The following FBXO42 variants were observed in gnomAD, a reference collection of about 807,000 sequenced individuals.
The protein encoded by FBXO42 is F-box only protein 42.
FBXO42 carries 12 observed loss-of-function variants against 71.7 expected under a neutral mutation model. The observed-to-expected ratio is 0.17, with a 90% CI of 0.11 to 0.27. The LOEUF (loss-of-function observed/expected upper bound fraction) is 0.27. FBXO42 is among the 10% of genes least tolerant of loss of function. The pLI is 1.00. For synonymous variants in FBXO42, 325 were observed against 327.5 expected (o/e 0.99, Z 0.08); for missense variants, 707 against 911.9 (o/e 0.78, Z 2.89).
intron 1 of FBXO42, among the ~76,000 whole-genome samples, chr1:16,331,301 T>C (rs935128165): frequency 4.0e-5 from 6 of 151,616 alleles, no homozygotes; most frequent in African/African-American, 1.5e-4. Flanking sequence ...TAGTCCCAGC[T>C]ACTCAGGAGG....
chr1:16,280,159 T>G (rs1298556687), intron 4 of FBXO42, among the ~76,000 whole-genome samples: 1 of 152,194 alleles, frequency 6.6e-6, no homozygotes, highest in Non-Finnish European at 1.5e-5. Context: ...CAATATGTAC[T>G]CTTGATCTGA....
At chr1:16,294,996 A>G (rs1008285869) in intron 3 of FBXO42, 79 bp from the exon 4 acceptor site, 2 of 1,464,384 alleles carry the variant, frequency 1.4e-6, no homozygotes, top group Non-Finnish European at 1.8e-6. Context: ...TATATTTTTC[A>G]AAGCTTATTT....
rs377166307 is a variant in FBXO42, at chr1:16,299,879, G to A, written c.368-4962C>T. ...AGGATGGTCTCAATCTCTTGATCTC[G>A]TGATTCACCTGCCTTGGCCTCCCAA... is the stretch of plus-strand genomic sequence containing the variant. On this transcript the variant is annotated intron_variant, in intron 3 of 9. Transcript: ENST00000375592. 7.6e-4 allele frequency among the ~76,000 whole-genome samples: 116 copies of A among 152,202 alleles called. 1 individual carries two copies. Among genetic ancestry groups the A allele is most frequent in the South Asian group, 5.4e-3 (26 of 4,830 alleles).
chr1:16,303,201 A>C (rs933876718), intron 3 of FBXO42, among the ~76,000 whole-genome samples: 10 of 152,210 alleles, frequency 6.6e-5, no homozygotes, highest in South Asian at 4.1e-4. Flanking sequence ...GGTCCTTGAA[A>C]GGCAGGCAGA....
At chr1:16,333,580 ATC>A (rs2082523539) in intron 1 of FBXO42, among the ~76,000 whole-genome samples, 1 of 152,118 alleles carries the variant, frequency 6.6e-6, no homozygotes. Context: ...GTGCAAGACG[ATC>A]TCTTAAAAAA....
At chr1:16,306,509 T>C (rs1031072169) in intron 2 of FBXO42, among the ~76,000 whole-genome samples, 3 of 152,120 alleles carry the variant, frequency 2.0e-5, no homozygotes, top group Non-Finnish European at 4.4e-5. Flanking sequence ...AGGCAACATA[T>C]CAAGATCATT....
At position 16,247,376 on chromosome 1, in the gene FBXO42, C is replaced by G. The variant is rs1010485457; in HGVS notation, c.*3294G>C. ...CACCACAAGGACAAGGACAGACAGA[C>G]AGACCAACCAGGAATACCACTTTTA... On this transcript the variant is annotated 3_prime_UTR_variant, in exon 10 of 10. Transcript: ENST00000375592. 6.6e-6 allele frequency: 1 copy of G among 152,272 alleles called. No individual in the cohort carries two copies. Among genetic ancestry groups the G allele is most frequent in the African/African-American group, 2.4e-5 (1 of 41,428 alleles). 9.4% of individuals were successfully genotyped at this position (152,272 alleles called of 1,614,324 possible).
chr1:16,285,985 AC>A (rs1239033504), intron 4 of FBXO42, among the ~76,000 whole-genome samples: 1 of 150,468 alleles, frequency 6.6e-6, no homozygotes, highest in Admixed American at 6.6e-5. Flanking sequence ...CTCTCCCCTC[AC>A]CCCTGCCCGC....
At position 16,251,701 on chromosome 1, in the gene FBXO42, T is replaced by C. The variant is rs1251815322; in HGVS notation, c.1123A>G (p.Ile375Val). 7 of 1,614,044 alleles carry C rather than the reference T, an allele frequency of 4.3e-6. No individual in the cohort carries two copies. The African/African-American group carries it at 9.3e-5, about 22-fold the overall frequency. Residue 375 changes from isoleucine to valine, a missense_variant, in exon 10 of 10, where the codon ATC becomes GTC. Ile to Val is a conservative substitution (Grantham distance 29, BLOSUM62 3). This residue lies in a region of FBXO42 where 482 missense variants were observed against 587.1 expected (regional missense o/e 0.82). Transcript: ENST00000375592. The surrounding 1 kb of genome is among the most constrained non-coding windows in gnomAD (Gnocchi z 4.5). ...SPSLNSRPSP[I>V]SATPPALVPE... Reference sequence around the variant, plus strand: ...ACGAGAGCTGGAGGAGTGGCACTGATAGGTGATGGGCGAGAGTTCAAACTG... The same window carrying C: ...ACGAGAGCTGGAGGAGTGGCACTGACAGGTGATGGGCGAGAGTTCAAACTG...
At chr1:16,311,984 G>C (rs2082317291) in intron 2 of FBXO42, among the ~76,000 whole-genome samples, 1 of 152,150 alleles carries the variant, frequency 6.6e-6, no homozygotes, top group Admixed American at 6.6e-5. Flanking sequence ...TTCAGTAAGT[G>C]AATGGGTAAA....
intron 4 of FBXO42, among the ~76,000 whole-genome samples, chr1:16,283,357 G>T (rs192870727): frequency 1.3e-5 from 2 of 152,180 alleles, no homozygotes; most frequent in East Asian, 3.9e-4. Context: ...CAAAGAAAAA[G>T]AAAATCCTTG....
chr1:16,270,787 C>T (rs1557577110), intron 4 of FBXO42, among the ~76,000 whole-genome samples: 1 of 148,142 alleles, frequency 6.8e-6, no homozygotes, highest in African/African-American at 2.6e-5. Flanking sequence ...CACACACACA[C>T]ACACATATAA....
At chr1:16,283,112 C>G (rs1265998359) in intron 4 of FBXO42, among the ~76,000 whole-genome samples, 2 of 152,094 alleles carry the variant, frequency 1.3e-5, no homozygotes, top group Admixed American at 1.3e-4. Context: ...GATCTGTTAT[C>G]CAATTTTTAT....
chr1:16,339,685 G>C (rs925074025), intron 1 of FBXO42, among the ~76,000 whole-genome samples: 1 of 152,118 alleles, frequency 6.6e-6, no homozygotes, highest in South Asian at 2.1e-4. Context: ...CAGCTGAACA[G>C]ATTATGAATT....
chr1:16,269,650 C>T (rs1188998561), intron 4 of FBXO42, among the ~76,000 whole-genome samples: 2 of 151,848 alleles, frequency 1.3e-5, no homozygotes, highest in Non-Finnish European at 2.9e-5. Context: ...CTCAGCCTCC[C>T]GAGTAGCTGG....
chr1:16,302,102 G>C (rs2100547280), intron 3 of FBXO42, among the ~76,000 whole-genome samples: 1 of 152,234 alleles, frequency 6.6e-6, no homozygotes, highest in East Asian at 1.9e-4. Context: ...AAATAATGGA[G>C]GAAGGTATGA....
chr1:16,294,769 A>G lies in FBXO42; in HGVS notation c.502+14T>C, dbSNP rs934591427. 1.2e-6 allele frequency: 2 copies of G among 1,612,364 alleles called. No individual in the cohort carries two copies. Among genetic ancestry groups the G allele is most frequent in the Non-Finnish European group, 1.7e-6 (2 of 1,179,258 alleles). On this transcript the variant is annotated intron_variant, in intron 4 of 9. Coordinates refer to ENST00000375592, the MANE Select transcript of FBXO42 (RefSeq NM_018994.3). ...ACCTGGTAAGGAGGCAAAGATCAGCATTTCATCTCTTACCTGAAGCCAAAG... is the reference window on the plus strand; with the variant it reads ...ACCTGGTAAGGAGGCAAAGATCAGCGTTTCATCTCTTACCTGAAGCCAAAG...
rs2081542032 is a variant in FBXO42, at chr1:16,247,151, C to T, written c.*3519G>A. ...ACACCTAAAGTTTGCTCTCATTTGA[C>T]AATGAACACGGTGAGAGGGAGCCAC... On this transcript the variant is annotated 3_prime_UTR_variant, in exon 10 of 10. Coordinates refer to ENST00000375592, the MANE Select transcript of FBXO42 (RefSeq NM_018994.3). The T allele has an allele frequency of 6.6e-6, 1 of 152,234 alleles. No individual in the cohort carries two copies. The highest frequency in any genetic ancestry group is 1.5e-5 in the Non-Finnish European group (1 of 68,074). 9.4% of individuals were successfully genotyped at this position (152,234 alleles called of 1,614,324 possible).
Position 16,248,555 on chromosome 1 carries a change from A to G in FBXO42, c.*2115T>C, listed in dbSNP as rs1386158844. 1 of 152,196 alleles carries G rather than the reference A, an allele frequency of 6.6e-6. No homozygotes were observed. The highest frequency in any genetic ancestry group is 1.5e-5 in the Non-Finnish European group (1 of 68,046). The allele number at this position is 152,196 out of a possible 1,614,324, so 9.4% of individuals were successfully genotyped here. On this transcript the variant is annotated 3_prime_UTR_variant, in exon 10 of 10. Coordinates refer to ENST00000375592, the MANE Select transcript of FBXO42 (RefSeq NM_018994.3). ...TACTTTCAGGTTTCTAATATACTTT[A>G]TATTTAGATAGGAACTACTGAGTTT... is the stretch of plus-strand genomic sequence containing the variant.
Sources: allele counts gnomAD v4.1 joint callset (sites outside exome capture counted in the v4.1 genomes callset), GRCh38; gene constraint gnomAD v4.1.1; regional missense constraint gnomAD v4.1.1; non-coding constraint Gnocchi (gnomAD v3.1); transcripts MANE v1.5; gene names NCBI Gene and HGNC (gene_info 2026-07-23, HGNC 2026-07-21).